Variants in CORO2B observed in about 807,000 individuals in gnomAD.
CORO2B encodes coronin 2B.
CORO2B carries 26 observed loss-of-function variants against 58.8 expected under a neutral mutation model. The ratio of observed to expected loss-of-function variants is 0.44; its 90% confidence interval spans 0.32 to 0.61. The LOEUF is 0.61. CORO2B is among the 20% of genes least tolerant of loss of function. The pLI is 0.04. For missense variants in CORO2B, 460 were observed against 645.1 expected, an observed-to-expected ratio of 0.71 and a Z score of 3.11; for synonymous variants, 242 against 253.8, an observed-to-expected ratio of 0.95 and a Z score of 0.44.
chr15:68,638,328 G>C (rs566792366), intron 1 of CORO2B, among the ~76,000 whole-genome samples: 201 of 152,316 alleles, frequency 1.3e-3, no homozygotes, highest in African/African-American at 4.5e-3. Flanking sequence ...CTAGTGTTGA[G>C]CAAGCACCCA....
chr15:68,579,142 C>A lies in CORO2B; in HGVS notation c.-121C>A, dbSNP rs1595948584. The A allele has an allele frequency of 3.1e-6, 3 of 981,408 alleles. No homozygotes were observed. The highest frequency in any genetic ancestry group is 1.8e-5 in the African/African-American group (1 of 56,726). The allele number at this position is 981,408 out of a possible 1,614,324, so 60.8% of individuals were successfully genotyped here. ...GCGCAGCCCCCAGGCTCGGCCGAGC[C>A]GCCGGCGGGGCGCGGGGAGCGAGCC... On this transcript the variant is annotated 5_prime_UTR_variant, in exon 1 of 12. Coordinates refer to ENST00000261861, the MANE Select transcript of CORO2B (RefSeq NM_006091.5).
chr15:68,538,624 T>C, the CORO2B span, among the ~76,000 whole-genome samples: 2 of 152,240 alleles, frequency 1.3e-5, no homozygotes, highest in African/African-American at 4.8e-5. Context: ...GTCCTTTCTC[T>C]TCATTATTTT....
chr15:68,706,557 C>T (rs981966926), intron 3 of CORO2B, among the ~76,000 whole-genome samples: 1 of 152,212 alleles, frequency 6.6e-6, no homozygotes, highest in South Asian at 2.1e-4. Context: ...CTACCTCAGT[C>T]AATGCTTATG....
At chr15:68,688,265 A>G (rs993203757) in intron 2 of CORO2B, among the ~76,000 whole-genome samples, 1 of 152,134 alleles carries the variant, frequency 6.6e-6, no homozygotes, top group South Asian at 2.1e-4. Flanking sequence ...GTAATATCCA[A>G]CTATTCAGAT....
chr15:68,695,627 G>C (rs1402148110), intron 3 of CORO2B, among the ~76,000 whole-genome samples: 2 of 152,210 alleles, frequency 1.3e-5, no homozygotes, highest in Non-Finnish European at 2.9e-5. Flanking sequence ...ATGGGCATGA[G>C]GAAAAGAGCG....
chr15:68,633,679 A>G (rs1444319148), intron 1 of CORO2B, among the ~76,000 whole-genome samples: 1 of 152,224 alleles, frequency 6.6e-6, no homozygotes, highest in Non-Finnish European at 1.5e-5. Flanking sequence ...CAAAATGATT[A>G]GCAGCAATAT....
At chr15:68,631,983 TAGCAAC>T in intron 1 of CORO2B, 1 of 985,458 alleles carries the variant, frequency 1.0e-6, no homozygotes, top group Non-Finnish European at 1.2e-6. Context: ...TCTTGGTTGC[TAGCAAC>T]AGATTCTGTT....
chr15:68,694,059 C>T (rs546624693), intron 2 of CORO2B, among the ~76,000 whole-genome samples: 5 of 152,286 alleles, frequency 3.3e-5, no homozygotes, highest in African/African-American at 9.6e-5. Context: ...TGGTCTCAAA[C>T]TCCTGACGTC....
chr15:68,577,644 C>A (rs182003857), upstream of CORO2B, among the ~76,000 whole-genome samples: 1,455 of 149,956 alleles, frequency 9.7e-3, 13 homozygotes, highest in African/African-American at 0.014. Flanking sequence ...TCGCTTGAAT[C>A]CAGGAGGCGG....
intron 1 of CORO2B, among the ~76,000 whole-genome samples, chr15:68,581,267 A>G (rs1442654811): frequency 6.6e-6 from 1 of 152,050 alleles, no homozygotes. Context: ...GCTCTAACCA[A>G]TGTGGCTTTG....
chr15:68,661,881 C>T (rs993248251), intron 2 of CORO2B, among the ~76,000 whole-genome samples: 1 of 152,124 alleles, frequency 6.6e-6, no homozygotes, highest in Non-Finnish European at 1.5e-5. Context: ...ATGGCGTGCA[C>T]CTGTAATCCC....
chr15:68,549,547 C>A, the CORO2B span, among the ~76,000 whole-genome samples: 1 of 152,200 alleles, frequency 6.6e-6, no homozygotes, highest in Non-Finnish European at 1.5e-5. Context: ...CCAGCCCAGG[C>A]CCCCTGTGAG....
At chr15:68,571,713 C>A in the CORO2B span, among the ~76,000 whole-genome samples, 1 of 152,198 alleles carries the variant, frequency 6.6e-6, no homozygotes, top group African/African-American at 2.4e-5. Flanking sequence ...AAGCTGAGTA[C>A]AGCTGTAACC....
At chr15:68,577,414 C>G (rs1268053147), upstream of CORO2B, among the ~76,000 whole-genome samples, 1 of 152,092 alleles carries the variant, frequency 6.6e-6, no homozygotes, top group Non-Finnish European at 1.5e-5. Flanking sequence ...ATTTAGGACT[C>G]CCAAGAAAAT....
At chr15:68,653,730 G>T (rs142996755) in intron 2 of CORO2B, among the ~76,000 whole-genome samples, 231 of 149,570 alleles carry the variant, frequency 1.5e-3, no homozygotes, top group Non-Finnish European at 3.0e-3. Context: ...GCCCAGCTCA[G>T]TACTGAGGAC....
chr15:68,661,311 T>C (rs1902007531), intron 2 of CORO2B, among the ~76,000 whole-genome samples: 1 of 152,210 alleles, frequency 6.6e-6, no homozygotes, highest in South Asian at 2.1e-4. Context: ...GGAGTTCTTA[T>C]GATTTCCTGA....
chr15:68,577,490 G>A (rs1183591510), upstream of CORO2B, among the ~76,000 whole-genome samples: 2 of 152,106 alleles, frequency 1.3e-5, no homozygotes, highest in African/African-American at 2.4e-5. Flanking sequence ...TTGGGAGGCC[G>A]AGGCGGGTGG....
the CORO2B span, among the ~76,000 whole-genome samples, chr15:68,559,907 G>A: frequency 6.6e-6 from 1 of 152,272 alleles, no homozygotes. This position sits in a 1 kb window ranked among gnomAD's most constrained non-coding sequence, Gnocchi z 4.3. Flanking sequence ...GGGTCCTCTG[G>A]TAAGCAGACG....
chr15:68,646,846 T>A (rs888590656), intron 2 of CORO2B, among the ~76,000 whole-genome samples: 10 of 152,184 alleles, frequency 6.6e-5, no homozygotes, highest in Non-Finnish European at 1.3e-4. Context: ...TGGCAAAGGC[T>A]CACAGCAGCT....
Sources: allele counts gnomAD v4.1 joint callset (sites outside exome capture counted in the v4.1 genomes callset), GRCh38; gene constraint gnomAD v4.1.1; non-coding constraint Gnocchi (gnomAD v3.1); transcripts MANE v1.5; gene names NCBI Gene and HGNC (gene_info 2026-07-23, HGNC 2026-07-21).